The following MGAM variants were observed in gnomAD, a reference collection of about 807,000 sequenced individuals.
The protein encoded by MGAM is maltase-glucoamylase, also known as alpha-1,4-glucosidase.
A neutral mutation model predicts 358.8 loss-of-function variants in MGAM; 253 were observed. The ratio of observed to expected loss-of-function variants is 0.71; its 90% CI spans 0.64 to 0.78. MGAM has a LOEUF of 0.78. Among genes scored for constraint, MGAM ranks in the 30% least tolerant of loss-of-function variants. The probability of loss-of-function intolerance (pLI) is 0.00; values close to 1 mark genes in which losing one functional copy is unlikely to be tolerated. For synonymous variants in MGAM, 1,105 were observed against 1,227.1 expected, an observed-to-expected ratio of 0.90 and a Z score of 2.08; for missense variants, 3,080 against 3,432.6, an observed-to-expected ratio of 0.90 and a Z score of 2.57.
chr7:142,010,282 G>T (rs782099972), intron 3 of MGAM, among the ~76,000 whole-genome samples: 3 of 151,982 alleles, frequency 2.0e-5, no homozygotes, highest in Non-Finnish European at 2.9e-5. Flanking sequence ...TTTAGTTCTG[G>T]GCTTGAAGCT....
intron 3 of MGAM, among the ~76,000 whole-genome samples, chr7:142,009,003 C>T (rs1330119899): frequency 2.0e-5 from 3 of 152,050 alleles, no homozygotes; most frequent in African/African-American, 7.2e-5. Context: ...TAAGTGTGTC[C>T]CGTGAAAGAT....
chr7:142,061,006 C>A (rs1252581567), intron 34 of MGAM, among the ~76,000 whole-genome samples: 2 of 152,056 alleles, frequency 1.3e-5, no homozygotes, highest in African/African-American at 2.4e-5. Flanking sequence ...GCTTCTGGAC[C>A]TGAATTTTTT....
intron 21 of MGAM, 23 bp from the exon 22 acceptor site, chr7:142,047,762 G>C (rs765406529): frequency 1.9e-6 from 3 of 1,595,088 alleles, no homozygotes; most frequent in South Asian, 1.1e-5. Flanking sequence ...CTGTCTTTGT[G>C]TCTTGAATCT....
chr7:142,052,275 G>T lies in MGAM; in HGVS notation c.2806-19G>T. On this transcript the variant is annotated intron_variant, in intron 24 of 70. Transcript: ENST00000475668. ...GTCTCCTAAAGATGAATTTCCTTAT[G>T]ATTTCCACATTCCTACAGGTTGCCA... 1 of 1,578,918 alleles carries T rather than the reference G, an allele frequency of 6.3e-7. No individual in the cohort carries two copies.
rs1815743446 is a variant in MGAM, at chr7:142,094,793, T to C, written c.7388T>C (p.Met2463Thr). Residue 2463 changes from methionine to threonine, a missense_variant, in exon 63 of 71, where the codon ATG becomes ACG. Met to Thr is a moderately conservative substitution (Grantham distance 81). Around this residue, in one of 5 missense-constraint regions of MGAM, gnomAD observed 932 missense variants for 1,198.2 expected, o/e 0.78. Coordinates refer to ENST00000475668, the MANE Select transcript of MGAM (RefSeq NM_001365693.1). ...CGFFQDAEYE[M>T]CVRWMQLGAF... Reference sequence around the variant, plus strand: ...TTCTTTCAAGATGCTGAATATGAGATGTGTGTTCGCTGGATGCAGCTGGGG... The same window carrying C: ...TTCTTTCAAGATGCTGAATATGAGACGTGTGTTCGCTGGATGCAGCTGGGG... 6.2e-7 allele frequency: 1 copy of C among 1,613,796 alleles called. No individual in the cohort carries two copies. Among genetic ancestry groups the C allele is most frequent in the African/African-American group, 1.3e-5 (1 of 74,934 alleles).
intron 3 of MGAM, among the ~76,000 whole-genome samples, chr7:142,014,153 C>T (rs572480521): frequency 6.6e-6 from 1 of 152,114 alleles, no homozygotes; most frequent in African/African-American, 2.4e-5. Flanking sequence ...CTGAATTTTC[C>T]AGGTGATTCT....
Position 142,054,939 on chromosome 7 carries a change from A to C in MGAM, c.3314+31A>C, listed in dbSNP as rs751720957. The C allele has an allele frequency of 1.6e-5, 25 of 1,609,246 alleles. No homozygotes were observed. In the South Asian group the frequency reaches 2.7e-4, roughly 17 times the overall value. ...TGGCTTCTAGTGTGACTCAGAGTTGATGGCTACCTGCGCCTTCGCTGCCAG... is the reference window on the plus strand; with the variant it reads ...TGGCTTCTAGTGTGACTCAGAGTTGCTGGCTACCTGCGCCTTCGCTGCCAG... On this transcript the variant is annotated intron_variant, in intron 27 of 70. Transcript: ENST00000475668.
intron 2 of MGAM, among the ~76,000 whole-genome samples, chr7:142,007,791 T>C (rs1475191262): frequency 6.6e-6 from 1 of 152,178 alleles, no homozygotes; most frequent in African/African-American, 2.4e-5. Context: ...TTTACATCTT[T>C]TGTCATATAG....
intron 64 of MGAM, 193 bp downstream of exon 64, chr7:142,095,906 A>G (rs879109600): frequency 1.1e-6 from 1 of 900,214 alleles, no homozygotes; most frequent in African/African-American, 1.7e-5. Context: ...TTATTGATTG[A>G]ATGAGCAAAA....
chr7:142,049,340 G>A (rs1810715002), intron 22 of MGAM, among the ~76,000 whole-genome samples: 2 of 152,096 alleles, frequency 1.3e-5, no homozygotes, highest in Non-Finnish European at 2.9e-5. Context: ...GGTTGAAATT[G>A]TAAAGCTCCT....
In MGAM at chr7:142,022,269, T is replaced by C. The variant is rs782396595; in HGVS notation, c.712T>C (p.Phe238Leu). ...VTRRSNNRVL[F>L]DSSIGPLLFA... ...CTTGTGTTCTCCACCTGTGTCTAGGTTTGACTCGAGCATTGGGCCCCTACT... is the reference window on the plus strand; with the variant it reads ...CTTGTGTTCTCCACCTGTGTCTAGGCTTGACTCGAGCATTGGGCCCCTACT... The change falls in exon 7 of 71, where the codon TTT becomes CTT. Residue 238 changes from phenylalanine (F) to leucine (L), a missense_variant and splice_region_variant. Phe to Leu is a conservative substitution (Grantham distance 22, BLOSUM62 0). This residue lies in a region of MGAM where 1,816 missense variants were observed against 1,840.5 expected (regional missense o/e 0.99). Coordinates refer to ENST00000475668, the MANE Select transcript of MGAM (RefSeq NM_001365693.1). 4 of 1,605,862 alleles carry C rather than the reference T, an allele frequency of 2.5e-6. No individual in the cohort carries two copies. Among genetic ancestry groups the C allele is most frequent in the Admixed American group, 3.4e-5 (2 of 59,260 alleles).
Position 142,032,904 on chromosome 7 carries a change from C to T in MGAM, c.1664C>T (p.Thr555Ile). The T allele has an allele frequency of 6.2e-7, 1 of 1,605,370 alleles. No individual in the cohort carries two copies. The highest frequency in any genetic ancestry group is 8.5e-7 in the Non-Finnish European group (1 of 1,174,056). Residue 555 changes from threonine (T) to isoleucine (I), a missense_variant, in exon 14 of 71, where the codon ACT becomes ATT. Around this residue, in one of 5 missense-constraint regions of MGAM, gnomAD observed 1,816 missense variants for 1,840.5 expected, o/e 0.99. Coordinates refer to ENST00000475668, the MANE Select transcript of MGAM (RefSeq NM_001365693.1). Reference sequence around the variant, plus strand: ...AACAACCTAAATAATCCCCCATTCACTCCCAGTAAGTCTTGGTGGTCAGCA... The same window carrying T: ...AACAACCTAAATAATCCCCCATTCATTCCCAGTAAGTCTTGGTGGTCAGCA... ...STNNLNNPPF[T>I]PRILDGYLFC... is the part of the protein sequence containing the mutation.
At chr7:142,014,999 C>T (rs1046388921) in intron 3 of MGAM, among the ~76,000 whole-genome samples, 1 of 152,096 alleles carries the variant, frequency 6.6e-6, no homozygotes, top group South Asian at 2.1e-4. Flanking sequence ...TAGACATTAT[C>T]AAATTGATCT....
rs931531509 is a variant in MGAM at position 142,008,545 on chromosome 7, C to T, written c.167C>T (p.Thr56Ile). ...PGTTGTPDPG[T>I]TGTPDPGTTG... Reference sequence around the variant, plus strand: ...ACAACTGGTACCCCAGATCCTGGGACAACTGGTACCCCAGATCCTGGAACA... The same window carrying T: ...ACAACTGGTACCCCAGATCCTGGGATAACTGGTACCCCAGATCCTGGAACA... Residue 56 changes from threonine to isoleucine, a missense_variant, in exon 3 of 71, where the codon ACA (threonine) becomes ATA (isoleucine). Around this residue, in one of 5 missense-constraint regions of MGAM, gnomAD observed 1,816 missense variants for 1,840.5 expected, o/e 0.99. Coordinates refer to ENST00000475668, the MANE Select transcript of MGAM (RefSeq NM_001365693.1). The T allele has an allele frequency of 2.5e-6, 4 of 1,612,818 alleles. No homozygotes were observed. The highest frequency in any genetic ancestry group is 3.3e-5 in the Admixed American group (2 of 59,832).
At chr7:142,000,214 G>T (rs1370334892) in intron 1 of MGAM, among the ~76,000 whole-genome samples, 1 of 152,110 alleles carries the variant, frequency 6.6e-6, no homozygotes, top group Non-Finnish European at 1.5e-5. Flanking sequence ...CTGATTTAGG[G>T]TCTCTCATGA....
chr7:142,013,216 A>G (rs1385838629), intron 3 of MGAM, among the ~76,000 whole-genome samples: 4 of 151,988 alleles, frequency 2.6e-5, no homozygotes, highest in Admixed American at 2.6e-4. Context: ...ATGGGGTGGC[A>G]CAGGTTAGAG....
chr7:142,040,243 G>A, intron 20 of MGAM, 72 bp downstream of exon 20: 2 of 1,230,802 alleles, frequency 1.6e-6, no homozygotes, highest in Middle Eastern at 3.8e-4. Flanking sequence ...TACCTTTCTG[G>A]AGAGAGAAAC....
rs782097584 is a variant in MGAM, at chr7:142,032,860, G to C, written c.1620G>C (p.Ser540=). The change falls in exon 14 of 71, where the codon TCG becomes TCC. Residue 540 remains serine, a synonymous_variant. Transcript: ENST00000475668. The part of the protein sequence containing the change: ...MNEVSNFVDG[S]VSGCSTNNLN... ...AAGTCTCCAACTTTGTTGATGGTTC[G>C]GTCTCAGGATGTTCCACAAACAACC... The C allele has an allele frequency of 1.9e-6, 3 of 1,608,992 alleles. No homozygotes were observed. Among genetic ancestry groups the C allele is most frequent in the South Asian group, 1.1e-5 (1 of 90,216 alleles).
rs563265942 is a variant in MGAM at position 142,068,170 on chromosome 7, T to C, written c.5005-477T>C. Among the ~76,000 whole-genome samples the C allele has an allele frequency of 7.4e-4, 99 of 133,088 alleles. 4 individuals are homozygous for C. Among genetic ancestry groups the C allele is most frequent in the African/African-American group, 2.2e-3 (89 of 39,600 alleles). 87.3% of individuals were successfully genotyped at this position (133,088 alleles called of 152,430 possible). ...CCCGGCTAATTTTTTTTTCTTTTTT[T>C]GTATGTTTAGTAGAGATGGGGTTTC... On this transcript the variant is annotated intron_variant, in intron 42 of 70. Transcript: ENST00000475668.
Sources: allele counts gnomAD v4.1 joint callset (sites outside exome capture counted in the v4.1 genomes callset), GRCh38; gene constraint gnomAD v4.1.1; regional missense constraint gnomAD v4.1.1; transcripts MANE v1.5; gene names NCBI Gene and HGNC (gene_info 2026-07-23, HGNC 2026-07-21).